RNF38: variants seen among roughly 807,000 people sequenced by gnomAD.
RNF38 encodes E3 ubiquitin-protein ligase RNF38.
Under a neutral mutation model 67.2 loss-of-function variants are expected in RNF38, and 15 were observed. That is an observed-to-expected ratio of 0.22 (90% CI 0.15 to 0.34). The LOEUF (loss-of-function observed/expected upper bound fraction) is 0.34, where lower values mean the gene tolerates loss of function less well. RNF38 is among the 10% of genes least tolerant of loss of function. The probability of loss-of-function intolerance (pLI) is 1.00; values close to 1 mark genes in which losing one functional copy is unlikely to be tolerated. For missense variants in RNF38, 524 were observed against 639.9 expected, an observed-to-expected ratio of 0.82 and a Z score of 1.95; for synonymous variants, 220 against 218.8, an observed-to-expected ratio of 1.01 and a Z score of -0.05.
chr9:36,439,339 T>TA (rs1421060339), intron 1 of RNF38, among the ~76,000 whole-genome samples: 1 of 152,230 alleles, frequency 6.6e-6, no homozygotes, highest in Non-Finnish European at 1.5e-5. Context: ...CTTGTCCTTC[T>TA]ATTCGTTAGC....
intron 2 of RNF38, among the ~76,000 whole-genome samples, chr9:36,413,128 C>T (rs961861933): frequency 1.1e-4 from 17 of 151,302 alleles, no homozygotes; most frequent in African/African-American, 4.1e-4. Flanking sequence ...ACTAGGGAGG[C>T]AGAGGCAGGA....
intron 2 of RNF38, among the ~76,000 whole-genome samples, chr9:36,422,073 A>G (rs1043686792): frequency 3.9e-5 from 6 of 152,118 alleles, no homozygotes; most frequent in Non-Finnish European, 8.8e-5. Context: ...TTCTACTAAA[A>G]ATACAAAAAT....
upstream of RNF38, among the ~76,000 whole-genome samples, chr9:36,402,124 A>G (rs144992935): frequency 2.8e-3 from 419 of 152,344 alleles, 2 homozygotes; most frequent in African/African-American, 8.8e-3. Context: ...CCAGAAACAC[A>G]AGAGAAGGTG....
At chr9:36,400,793 G>T, upstream of RNF38, 1 of 985,454 alleles carries the variant, frequency 1.0e-6, no homozygotes, top group Non-Finnish European at 1.2e-6. Flanking sequence ...TGACAGAGTC[G>T]CCTAACGCCT....
chr9:36,438,341 T>C (rs1839117157), intron 1 of RNF38, among the ~76,000 whole-genome samples: 1 of 152,106 alleles, frequency 6.6e-6, no homozygotes, highest in Non-Finnish European at 1.5e-5. Context: ...ATGGGCTGCA[T>C]GCAGCCCAGG....
chr9:36,453,830 A>G (rs921656285), intron 1 of RNF38, among the ~76,000 whole-genome samples: 1 of 152,226 alleles, frequency 6.6e-6, no homozygotes, highest in African/African-American at 2.4e-5. Flanking sequence ...CCAGAGAATA[A>G]TTAGTTTTTA....
chr9:36,337,749 A>G lies in RNF38; in HGVS notation c.*2003T>C, dbSNP rs1193423264. 6.6e-6 allele frequency: 1 copy of G among 152,610 alleles called. No individual in the cohort carries two copies. The highest frequency in any genetic ancestry group is 2.4e-5 in the African/African-American group (1 of 41,458). The allele number at this position is 152,610 out of a possible 1,614,324, so 9.5% of individuals were successfully genotyped here. On this transcript the variant is annotated 3_prime_UTR_variant, in exon 12 of 12. Transcript: ENST00000259605. ...TTAACACACTTTTTATTCATCAGGA[A>G]CAGGTGAGGGATATCCTAATGATTT...
chr9:36,367,845 A>G (rs1209124150), intron 4 of RNF38, among the ~76,000 whole-genome samples: 1 of 152,176 alleles, frequency 6.6e-6, no homozygotes, highest in Admixed American at 6.5e-5. Flanking sequence ...AGGTTAGACA[A>G]GAAGTCAGAT....
chr9:36,457,843 CAA>C (rs879733054), intron 1 of RNF38, among the ~76,000 whole-genome samples: 1 of 135,980 alleles, frequency 7.4e-6, no homozygotes, highest in Non-Finnish European at 1.6e-5. Flanking sequence ...ACTCCGTCTC[CAA>C]AAAAAAAAAA....
chr9:36,442,072 G>T lies in RNF38; in HGVS notation n.242-17389C>A, dbSNP rs545091217. ...TCAATAGCTTCCTCCTACTTATAAG[G>T]GGGGGAGGGGGAGAGTCAAATCTGT... On this transcript the variant is annotated intron_variant and non_coding_transcript_variant, in intron 1 of 3. Transcript: ENST00000488058. Among the ~76,000 whole-genome samples, 5 of 152,052 alleles carry T rather than the reference G, an allele frequency of 3.3e-5. No homozygotes were observed. In the South Asian group the frequency reaches 1.0e-3, roughly 32 times the overall value.
intron 2 of RNF38, among the ~76,000 whole-genome samples, chr9:36,412,942 C>T (rs573479917): frequency 4.6e-5 from 7 of 152,196 alleles, no homozygotes; most frequent in Admixed American, 3.9e-4. Context: ...TGTGGTGGCA[C>T]ATGCCTATAG....
intron 4 of RNF38, among the ~76,000 whole-genome samples, chr9:36,366,598 T>C (rs763831250): frequency 3.3e-5 from 5 of 152,242 alleles, no homozygotes; most frequent in African/African-American, 4.8e-5. Context: ...ACTGCAAATA[T>C]TGATGGTGTT....
intron 2 of RNF38, among the ~76,000 whole-genome samples, chr9:36,387,088 C>A (rs1244483278): frequency 6.6e-6 from 1 of 152,218 alleles, no homozygotes; most frequent in East Asian, 1.9e-4. Context: ...CAGGTGCGAG[C>A]CACCGTGTGG....
chr9:36,363,300 A>C (rs1834704666), intron 4 of RNF38, among the ~76,000 whole-genome samples: 1 of 100,468 alleles, frequency 1.0e-5, no homozygotes, highest in Non-Finnish European at 2.6e-5. Flanking sequence ...AATCCTGTAG[A>C]AATTTTTTTG....
At chr9:36,419,563 A>C (rs1838564580) in intron 2 of RNF38, among the ~76,000 whole-genome samples, 1 of 152,264 alleles carries the variant, frequency 6.6e-6, no homozygotes, top group Non-Finnish European at 1.5e-5. Context: ...TCAATATTTT[A>C]TCTCATTCTC....
At chr9:36,475,192 G>A (rs1587208225) in intron 1 of RNF38, among the ~76,000 whole-genome samples, 1 of 150,780 alleles carries the variant, frequency 6.6e-6, no homozygotes, top group African/African-American at 2.4e-5. Context: ...CAATTGTGAT[G>A]TTTTTGCAAT....
At chr9:36,368,626 A>G (rs189122918) in intron 4 of RNF38, among the ~76,000 whole-genome samples, 30 of 152,304 alleles carry the variant, frequency 2.0e-4, no homozygotes, top group African/African-American at 7.2e-4. Flanking sequence ...GCCACAAATA[A>G]GGTAAGCTTT....
rs751029414 is a variant in RNF38 at position 36,363,101 on chromosome 9, GTATC to G, written c.571-5163_571-5160del. ...CATCCATCCATCCTTATCTACCTAT[GTATC>G]TATCTATGAGATGGGGGTCTCACTC... On this transcript the variant is annotated intron_variant, in intron 4 of 11. Transcript: ENST00000259605. Among the ~76,000 whole-genome samples the G allele has an allele frequency of 5.9e-4, 59 of 99,268 alleles. 20 individuals are homozygous for G. The highest frequency in any genetic ancestry group is 9.1e-4 in the Non-Finnish European group (35 of 38,268). The allele number at this position is 99,268 out of a possible 152,430, so 65.1% of individuals were successfully genotyped here.
intron 8 of RNF38, among the ~76,000 whole-genome samples, chr9:36,352,232 A>T (rs1833746327): frequency 6.6e-6 from 1 of 152,012 alleles, no homozygotes; most frequent in South Asian, 2.1e-4. Context: ...CCTGGGAGGC[A>T]GAGCTTGCAG....
Sources: gnomAD v4.1 joint callset for allele counts (sites outside exome capture counted in the v4.1 genomes callset) on GRCh38, gnomAD v4.1.1 for gene constraint, MANE v1.5 for transcripts, NCBI Gene and HGNC (gene_info 2026-07-23, HGNC 2026-07-21) for gene names.